Variants in SDF2 observed in about 807,000 individuals in gnomAD.
SDF2 encodes the protein stromal cell derived factor 2.
In SDF2, 12 loss-of-function variants were observed where a neutral mutation model predicts 20.5. The ratio of observed to expected loss-of-function variants is 0.58; its 90% CI spans 0.37 to 0.95. The LOEUF is 0.95. Ranked by LOEUF, SDF2 falls within the 40% of genes least tolerant of loss-of-function variation. SDF2 has a pLI of 0.01. For synonymous variants in SDF2, 100 were observed against 101.0 expected, an observed-to-expected ratio of 0.99 and a Z score of 0.06; for missense variants, 238 against 263.1, an observed-to-expected ratio of 0.90 and a Z score of 0.66.
chr17:28,660,702 A>G, intron 1 of SDF2: 1 of 153,412 alleles, frequency 6.5e-6, no homozygotes, highest in Non-Finnish European at 1.5e-5. Flanking sequence ...AGTGATGATA[A>G]CTCATGTCCT....
chr17:28,662,014 G>A, upstream of SDF2: 1 of 1,030,668 alleles, frequency 9.7e-7, no homozygotes, highest in East Asian at 2.6e-5. Context: ...GACTAGAGCG[G>A]CCTGAGAAAC....
intron 1 of SDF2, among the ~76,000 whole-genome samples, chr17:28,657,206 G>A (rs1170200095): frequency 1.3e-5 from 2 of 152,104 alleles, no homozygotes; most frequent in Admixed American, 6.6e-5. Flanking sequence ...CAGCCTAGGT[G>A]GCAGGGCAAG....
At chr17:28,654,077 G>A (rs1217205108) in intron 2 of SDF2, among the ~76,000 whole-genome samples, 1 of 152,076 alleles carries the variant, frequency 6.6e-6, no homozygotes, top group East Asian at 1.9e-4. Context: ...TTGGGAGGCT[G>A]AGGCAGGCAG....
intron 1 of SDF2, among the ~76,000 whole-genome samples, chr17:28,658,722 C>T (rs573932411): frequency 9.9e-5 from 15 of 152,262 alleles, no homozygotes; most frequent in African/African-American, 1.9e-4. Flanking sequence ...CTTTTCTTTT[C>T]GACAAAACCG....
chr17:28,659,677 C>T (rs909996538), intron 1 of SDF2, among the ~76,000 whole-genome samples: 2 of 141,084 alleles, frequency 1.4e-5, no homozygotes, highest in East Asian at 4.3e-4. Context: ...ACATCCCAGA[C>T]AGGGTGATGG....
chr17:28,660,448 T>C (rs560186321), intron 1 of SDF2: 1 of 152,380 alleles, frequency 6.6e-6, no homozygotes, highest in African/African-American at 2.4e-5. Context: ...ATATTTAATG[T>C]TGTATCTCAG....
Position 28,661,901 on chromosome 17 carries a change from A to G in SDF2, c.-25T>C, listed in dbSNP as rs1371952905. ...TCCTAACTGTATCGCGGAGCCCCAA[A>G]TCTTCGAAGAAAACTCGGCCCCTCC... is the stretch of plus-strand genomic sequence containing the variant. On this transcript the variant is annotated 5_prime_UTR_variant, in exon 1 of 3. Transcript: ENST00000247020. 2 of 1,583,080 alleles carry G rather than the reference A, an allele frequency of 1.3e-6. No homozygotes were observed. Among genetic ancestry groups the G allele is most frequent in the East Asian group, 2.3e-5 (1 of 44,096 alleles).
chr17:28,652,733 G>GA (rs1261948344), intron 2 of SDF2, among the ~76,000 whole-genome samples: 3 of 152,348 alleles, frequency 2.0e-5, no homozygotes, highest in Non-Finnish European at 4.4e-5. Context: ...GCTCCTTGGA[G>GA]AAACAGCTGA....
At chr17:28,654,608 G>T (rs2071941440) in intron 2 of SDF2, among the ~76,000 whole-genome samples, 1 of 152,058 alleles carries the variant, frequency 6.6e-6, no homozygotes, top group Non-Finnish European at 1.5e-5. Context: ...CTGAGGTCAG[G>T]AGTTCGAGAC....
chr17:28,648,755 T>C lies in SDF2; in HGVS notation c.*234A>G, dbSNP rs2071886349. The stretch of plus-strand genomic sequence containing the variant: ...AGTACTAATAAAAAGCATCTGCCCC[T>C]TTACCAGCAAGTCCTCTACTCAGAA... On this transcript the variant is annotated 3_prime_UTR_variant, in exon 3 of 3. Coordinates refer to ENST00000247020, the MANE Select transcript of SDF2 (RefSeq NM_006923.4). 1 of 574,148 alleles carries C rather than the reference T, an allele frequency of 1.7e-6. No individual in the cohort carries two copies. Among genetic ancestry groups the C allele is most frequent in the South Asian group, 2.2e-5 (1 of 46,356 alleles). The allele number at this position is 574,148 out of a possible 1,614,324, so 35.6% of individuals were successfully genotyped here.
chr17:28,656,632 T>C (rs2071965557), intron 1 of SDF2, among the ~76,000 whole-genome samples: 1 of 152,170 alleles, frequency 6.6e-6, no homozygotes, highest in African/African-American at 2.4e-5. Flanking sequence ...TACTAGTTAC[T>C]ATATGATAAA....
chr17:28,659,294 G>A lies in SDF2; in HGVS notation c.151+2432C>T, dbSNP rs535041613. 6.2e-4 allele frequency among the ~76,000 whole-genome samples: 83 copies of A among 133,474 alleles called. 1 individual carries two copies. Among genetic ancestry groups the A allele is most frequent in the African/African-American group, 2.1e-3 (75 of 34,982 alleles). The allele number at this position is 133,474 out of a possible 152,430, so 87.6% of individuals were successfully genotyped here. A position where few individuals can be genotyped will look rare whatever the true frequency, so the allele number is the denominator to read the frequency against. Reference sequence around the variant, plus strand: ...TCCCCACTTCCCAGACGGGGCAGCCGGGCAGAGGCGCTCCCCACTTCCCAG... The same window carrying A: ...TCCCCACTTCCCAGACGGGGCAGCCAGGCAGAGGCGCTCCCCACTTCCCAG... On this transcript the variant is annotated intron_variant, in intron 1 of 2. Coordinates refer to ENST00000247020, the MANE Select transcript of SDF2 (RefSeq NM_006923.4).
rs1408144808 is a variant in SDF2 at position 28,648,757 on chromosome 17, T to TGG, written c.*231_*232insCC. ...TACTAATAAAAAGCATCTGCCCCTTTACCAGCAAGTCCTCTACTCAGAAAG... is the reference window on the plus strand; with the variant it reads ...TACTAATAAAAAGCATCTGCCCCTTTGGACCAGCAAGTCCTCTACTCAGAAAG... On this transcript the variant is annotated 3_prime_UTR_variant, in exon 3 of 3. Coordinates refer to ENST00000247020, the MANE Select transcript of SDF2 (RefSeq NM_006923.4). 3 of 575,582 alleles carry TGG rather than the reference T, an allele frequency of 5.2e-6. No homozygotes were observed. Among genetic ancestry groups the TGG allele is most frequent in the African/African-American group, 1.9e-5 (1 of 53,494 alleles). The allele number at this position is 575,582 out of a possible 1,614,324, so 35.7% of individuals were successfully genotyped here.
chr17:28,655,112 G>A (rs1056410457), intron 2 of SDF2, among the ~76,000 whole-genome samples, 175 bp downstream of exon 2: 1 of 152,246 alleles, frequency 6.6e-6, no homozygotes, highest in African/African-American at 2.4e-5. Flanking sequence ...CTGGGTGACA[G>A]AGTGAGACTG....
At chr17:28,658,611 A>C (rs1469822759) in intron 1 of SDF2, among the ~76,000 whole-genome samples, 1 of 152,104 alleles carries the variant, frequency 6.6e-6, no homozygotes, top group Non-Finnish European at 1.5e-5. Context: ...AAGCTGAAGA[A>C]TTTTTCTTAG....
chr17:28,652,353 C>T (rs2071921988), intron 2 of SDF2, among the ~76,000 whole-genome samples: 1 of 152,054 alleles, frequency 6.6e-6, no homozygotes, highest in Non-Finnish European at 1.5e-5. Context: ...CCCTGTCACC[C>T]AGGCTGGAAT....
intron 1 of SDF2, among the ~76,000 whole-genome samples, chr17:28,658,776 G>T (rs2071991046): frequency 6.6e-6 from 1 of 150,738 alleles, no homozygotes; most frequent in Admixed American, 6.6e-5. Context: ...TGTCTCTTCG[G>T]TGCTGTTGGG....
chr17:28,655,061 G>A (rs949824114), intron 2 of SDF2, among the ~76,000 whole-genome samples: 5 of 151,660 alleles, frequency 3.3e-5, no homozygotes, highest in African/African-American at 4.8e-5. Context: ...ACCCAGAGGC[G>A]GAGGTTGCAG....
intron 1 of SDF2, among the ~76,000 whole-genome samples, chr17:28,657,164 T>C (rs895384064): frequency 1.3e-5 from 2 of 151,050 alleles, no homozygotes; most frequent in African/African-American, 4.9e-5. Flanking sequence ...GAGGCGGAGG[T>C]TGCAGTGAGC....
Sources: allele counts gnomAD v4.1 joint callset (sites outside exome capture counted in the v4.1 genomes callset), GRCh38; gene constraint gnomAD v4.1.1; transcripts MANE v1.5; gene names NCBI Gene and HGNC (gene_info 2026-07-23, HGNC 2026-07-21).